Variants in SMARCA2 observed in about 807,000 individuals in gnomAD.
The protein encoded by SMARCA2 is SWI/SNF-related matrix-associated actin-dependent regulator of chromatin subfamily A member 2.
Under a neutral mutation model 199.8 loss-of-function variants are expected in SMARCA2, and 61 were observed. That is an observed-to-expected ratio of 0.31 (90% CI 0.25 to 0.38). SMARCA2 has a LOEUF of 0.38. Ranked by LOEUF, SMARCA2 falls within the 10% of genes least tolerant of loss-of-function variation. The probability of loss-of-function intolerance (pLI) is 1.00; values close to 1 mark genes in which losing one functional copy is unlikely to be tolerated. For synonymous variants in SMARCA2, 935 were observed against 732.0 expected, an observed-to-expected ratio of 1.28 and a Z score of -4.48; for missense variants, 1,344 against 2,012.2, an observed-to-expected ratio of 0.67 and a Z score of 6.35.
At chr9:2,184,493 A>T (rs1827287862) in intron 31 of SMARCA2, among the ~76,000 whole-genome samples, 1 of 151,300 alleles carries the variant, frequency 6.6e-6, no homozygotes, top group Non-Finnish European at 1.5e-5. Context: ...GCTGGGATTA[A>T]GGCATGCACC....
At chr9:2,087,203 C>A (rs376182338) in intron 18 of SMARCA2, 132 bp downstream of exon 18, 4 of 1,084,908 alleles carry the variant, frequency 3.7e-6, no homozygotes, top group Non-Finnish European at 5.4e-6. Flanking sequence ...TGAAACCCAT[C>A]GGTGGGTGGA....
chr9:2,079,800 A>C (rs577932125), intron 14 of SMARCA2: 12 of 152,294 alleles, frequency 7.9e-5, no homozygotes, highest in Admixed American at 7.8e-4. Flanking sequence ...CATATGGGAG[A>C]TCCATCTTTT....
At chr9:2,154,441 C>G (rs558605162) in intron 27 of SMARCA2, among the ~76,000 whole-genome samples, 1 of 152,192 alleles carries the variant, frequency 6.6e-6, no homozygotes. Context: ...GTTTTCCTCT[C>G]TCATGATTGG....
Position 2,081,861 on chromosome 9 carries a change from G to A in SMARCA2, c.2214G>A (p.Leu738=). The A allele has an allele frequency of 6.2e-7, 1 of 1,614,052 alleles. No individual in the cohort carries two copies. The highest frequency in any genetic ancestry group is 8.5e-7 in the Non-Finnish European group (1 of 1,179,996). ...AGGGCCTGGAATGGATGGTTTCCCT[G>A]TATAATAACAACTTGAACGGAATCT... ...QLQGLEWMVS[L]YNNNLNGILA... The change falls in exon 15 of 34, where the codon CTG becomes CTA. Residue 738 remains leucine (L), a synonymous_variant. Transcript: ENST00000349721.
chr9:2,129,303 A>G (rs1362084939), intron 27 of SMARCA2, among the ~76,000 whole-genome samples: 1 of 152,156 alleles, frequency 6.6e-6, no homozygotes, highest in East Asian at 1.9e-4. Context: ...CTGTAGTCCC[A>G]GCTGCTTGGG....
chr9:2,050,529 T>TA (rs1189160543), intron 5 of SMARCA2, among the ~76,000 whole-genome samples: 1 of 152,196 alleles, frequency 6.6e-6, no homozygotes, highest in Non-Finnish European at 1.5e-5. Flanking sequence ...ATGTCTGAAT[T>TA]ATATCAGCCC....
intron 28 of SMARCA2, among the ~76,000 whole-genome samples, chr9:2,164,281 G>A (rs1175885857): frequency 6.6e-6 from 1 of 152,176 alleles, no homozygotes; most frequent in Non-Finnish European, 1.5e-5. Flanking sequence ...CAGATTGGTA[G>A]GAGATTATAT....
intron 26 of SMARCA2, among the ~76,000 whole-genome samples, chr9:2,122,739 T>C (rs932317015): frequency 1.3e-5 from 2 of 152,224 alleles, no homozygotes; most frequent in Non-Finnish European, 2.9e-5. Flanking sequence ...AATTTCAGTA[T>C]GGTAGAACCA....
intron 28 of SMARCA2, among the ~76,000 whole-genome samples, chr9:2,162,291 G>A (rs1825722449): frequency 6.6e-6 from 1 of 151,940 alleles, no homozygotes; most frequent in South Asian, 2.1e-4. Flanking sequence ...TATATTTAAG[G>A]TAAATATTTC....
intron 27 of SMARCA2, among the ~76,000 whole-genome samples, chr9:2,133,346 A>C (rs1824046667): frequency 6.6e-6 from 1 of 152,202 alleles, no homozygotes; most frequent in Admixed American, 6.5e-5. Context: ...TCACTCTGTC[A>C]CCCAGGCTTA....
At chr9:2,033,188 G>C in intron 3 of SMARCA2, 107 bp downstream of exon 3, 1 of 1,252,554 alleles carries the variant, frequency 8.0e-7, no homozygotes, top group South Asian at 1.5e-5. Context: ...AAGGAAGGTT[G>C]AACCTAGTAG....
intron 32 of SMARCA2, among the ~76,000 whole-genome samples, chr9:2,188,264 C>CTGTT (rs1198225258): frequency 1.3e-5 from 2 of 152,030 alleles, no homozygotes; most frequent in African/African-American, 4.8e-5. Flanking sequence ...GTTAATCAGG[C>CTGTT]TGTTTCCCAA....
In SMARCA2 at chr9:2,119,427, C is replaced by G. The variant is rs1823353710; in HGVS notation, c.3685-31C>G. The G allele has an allele frequency of 4.6e-6, 7 of 1,509,920 alleles. No individual in the cohort carries two copies. Among genetic ancestry groups the G allele is most frequent in the Non-Finnish European group, 6.5e-6 (7 of 1,084,918 alleles). The allele number at this position is 1,509,920 out of a possible 1,614,324, so 93.5% of individuals were successfully genotyped here. On this transcript the variant is annotated intron_variant, in intron 25 of 33. Coordinates refer to ENST00000349721, the MANE Select transcript of SMARCA2 (RefSeq NM_003070.5). This position sits in a 1 kb window ranked among gnomAD's most constrained non-coding sequence, Gnocchi z 4.6. ...GTTTGTACCTTGCCCCAGCTGTCCA[C>G]TGGTTAAAATCACTCTGTTTTTAAC...
chr9:2,085,407 T>C (rs543566215), intron 17 of SMARCA2, among the ~76,000 whole-genome samples: 6 of 152,204 alleles, frequency 3.9e-5, no homozygotes, highest in Admixed American at 2.0e-4. Context: ...GTAGTAATTT[T>C]GTCCAAGTGG....
At chr9:2,048,663 GTTTA>G (rs1230562514) in intron 5 of SMARCA2, among the ~76,000 whole-genome samples, 1 of 152,106 alleles carries the variant, frequency 6.6e-6, no homozygotes, top group Non-Finnish European at 1.5e-5. Context: ...CATTAGATGT[GTTTA>G]TTTTTTTGGA....
chr9:2,058,511 C>G (rs761237635), intron 8 of SMARCA2, 47 bp downstream of exon 8: 1 of 1,497,040 alleles, frequency 6.7e-7, no homozygotes, highest in Non-Finnish European at 9.3e-7. Context: ...AACCCACGTC[C>G]GTCTGCAATG....
chr9:2,029,546 A>G (rs1818972658), intron 2 of SMARCA2, among the ~76,000 whole-genome samples: 1 of 152,352 alleles, frequency 6.6e-6, no homozygotes, highest in East Asian at 1.9e-4. Flanking sequence ...GAATTAGTAC[A>G]TTAGTCTATA....
intron 27 of SMARCA2, among the ~76,000 whole-genome samples, chr9:2,125,192 G>A (rs1257342808): frequency 6.6e-6 from 1 of 152,158 alleles, no homozygotes; most frequent in East Asian, 1.9e-4. Flanking sequence ...ATGGGAGCCT[G>A]TGATTCTGAA....
intron 21 of SMARCA2, 114 bp downstream of exon 21, chr9:2,097,585 C>A (rs2275419): frequency 1.6e-6 from 1 of 630,778 alleles, no homozygotes; most frequent in Non-Finnish European, 2.7e-6. Context: ...AACATGTTGG[C>A]GGAAGTTGAG....
Sources: allele counts gnomAD v4.1 joint callset (sites outside exome capture counted in the v4.1 genomes callset), GRCh38; gene constraint gnomAD v4.1.1; non-coding constraint Gnocchi (gnomAD v3.1); transcripts MANE v1.5; gene names NCBI Gene and HGNC (gene_info 2026-07-23, HGNC 2026-07-21).